SLIT3: variants seen among roughly 807,000 people sequenced by gnomAD.
SLIT3 encodes the protein slit homolog 3 protein.
SLIT3 carries 68 observed loss-of-function variants against 184.0 expected under a neutral mutation model. That is an observed-to-expected ratio of 0.37 (90% confidence interval 0.30 to 0.45). The LOEUF is 0.45. SLIT3 is among the 20% of genes least tolerant of loss of function. The pLI, the probability that SLIT3 is intolerant of heterozygous loss-of-function variation, is 1.00. For missense variants in SLIT3, 1,707 were observed against 2,026.0 expected, an observed-to-expected ratio of 0.84 and a Z score of 3.02; for synonymous variants, 831 against 828.6, an observed-to-expected ratio of 1.00 and a Z score of -0.05.
chr5:169,200,794 G>A (rs17735410), intron 3 of SLIT3, among the ~76,000 whole-genome samples: 10,486 of 152,168 alleles, frequency 0.069, 480 homozygotes, highest in Middle Eastern at 0.11. Flanking sequence ...AGCCAATTCA[G>A]GCTTTTTTTT....
intron 7 of SLIT3, among the ~76,000 whole-genome samples, chr5:168,820,616 G>A (rs1392187229): frequency 6.6e-6 from 1 of 152,172 alleles, no homozygotes; most frequent in Admixed American, 6.5e-5. Context: ...GCCTGGACAA[G>A]GCTGCAGTTT....
At chr5:168,893,380 T>C (rs1760541080) in intron 4 of SLIT3, among the ~76,000 whole-genome samples, 1 of 152,166 alleles carries the variant, frequency 6.6e-6, no homozygotes, top group Admixed American at 6.5e-5. Flanking sequence ...CTGTCCCTTT[T>C]CCTTGGCAGC....
chr5:169,052,715 T>C (rs986346397), intron 4 of SLIT3, among the ~76,000 whole-genome samples: 3 of 152,052 alleles, frequency 2.0e-5, no homozygotes, highest in Admixed American at 6.5e-5. Flanking sequence ...TATCATTCTA[T>C]TGCGGTCCTC....
At chr5:168,839,992 G>C (rs1396214178) in intron 6 of SLIT3, among the ~76,000 whole-genome samples, 1 of 152,214 alleles carries the variant, frequency 6.6e-6, no homozygotes, top group Non-Finnish European at 1.5e-5. Context: ...TCCAGTGCCT[G>C]CTCTCTGGGT....
intron 4 of SLIT3, among the ~76,000 whole-genome samples, chr5:169,106,812 G>T (rs1379270593): frequency 6.6e-6 from 1 of 152,184 alleles, no homozygotes; most frequent in Non-Finnish European, 1.5e-5. Flanking sequence ...CCATCCTTAT[G>T]TTGAACTTCA....
chr5:168,755,397 C>CTT (rs1210884314), intron 16 of SLIT3, among the ~76,000 whole-genome samples: 1 of 14,798 alleles, frequency 6.8e-5, no homozygotes, highest in Non-Finnish European at 1.1e-4. Context: ...CCATTTCTTT[C>CTT]TTTCTTTCTT....
chr5:168,673,453 C>A, intron 32 of SLIT3, 122 bp from the exon 33 acceptor site: 1 of 934,192 alleles, frequency 1.1e-6, no homozygotes, highest in Non-Finnish European at 1.6e-6. Context: ...TTGGAAATAA[C>A]TTTAAACTTA....
chr5:168,726,076 T>C (rs529349011), intron 20 of SLIT3, among the ~76,000 whole-genome samples: 6 of 152,130 alleles, frequency 3.9e-5, no homozygotes, highest in South Asian at 2.1e-4. Context: ...GTACACATTA[T>C]GGGCCAAGAG....
chr5:168,974,551 G>A (rs1021459805), intron 4 of SLIT3, among the ~76,000 whole-genome samples: 1 of 152,134 alleles, frequency 6.6e-6, no homozygotes, highest in Non-Finnish European at 1.5e-5. Context: ...TAGATCCAAA[G>A]GCCTGCATTT....
intron 4 of SLIT3, among the ~76,000 whole-genome samples, chr5:168,992,263 C>T (rs1755356036): frequency 6.6e-6 from 1 of 152,114 alleles, no homozygotes; most frequent in Non-Finnish European, 1.5e-5. Flanking sequence ...CGCTCCCAGC[C>T]AAGGAGTCTG....
intron 4 of SLIT3, among the ~76,000 whole-genome samples, chr5:168,942,159 A>T (rs1321733900): frequency 6.6e-6 from 1 of 152,192 alleles, no homozygotes. Flanking sequence ...TGGGCCAATG[A>T]GAATAAGCTC....
chr5:168,957,956 ACAT>A (rs1197908129), intron 4 of SLIT3, among the ~76,000 whole-genome samples: 1 of 151,640 alleles, frequency 6.6e-6, no homozygotes, highest in Non-Finnish European at 1.5e-5. Flanking sequence ...AAATATTAAA[ACAT>A]AGGAATCATC....
At chr5:168,818,311 G>GA (rs536852062) in intron 7 of SLIT3, among the ~76,000 whole-genome samples, 2 of 152,168 alleles carry the variant, frequency 1.3e-5, no homozygotes, top group Non-Finnish European at 2.9e-5. Context: ...GAGTAGATAA[G>GA]AATCCCTGGA....
chr5:168,911,185 T>A (rs560355973), intron 4 of SLIT3, among the ~76,000 whole-genome samples: 1 of 152,286 alleles, frequency 6.6e-6, no homozygotes, highest in African/African-American at 2.4e-5. Flanking sequence ...AAAATGATTA[T>A]TTAAAAACAC....
At chr5:168,946,702 C>A (rs970533778) in intron 4 of SLIT3, among the ~76,000 whole-genome samples, 2 of 152,196 alleles carry the variant, frequency 1.3e-5, no homozygotes, top group Non-Finnish European at 2.9e-5. Flanking sequence ...TGCGGCCTGC[C>A]TGGGGTCTTT....
At position 168,669,980 on chromosome 5, in the gene SLIT3, C is replaced by A. The variant is rs1292153284; in HGVS notation, c.4139G>T (p.Gly1380Val). ...DPCLGHRCHH[G>V]KCVATGTSYM... Reference sequence around the variant, plus strand: ...TGAGGTCCCAGTTGCCACACATTTTCCATGGTGGCATCTAGGGGCAGAGAG... The same window carrying A: ...TGAGGTCCCAGTTGCCACACATTTTACATGGTGGCATCTAGGGGCAGAGAG... The change falls in exon 35 of 36, where the codon GGA (glycine) becomes GTA (valine). Residue 1380 changes from glycine to valine, a missense_variant. Transcript: ENST00000519560. The A allele has an allele frequency of 6.2e-7, 1 of 1,614,014 alleles. No individual in the cohort carries two copies. Among genetic ancestry groups the A allele is most frequent in the Admixed American group, 1.7e-5 (1 of 60,024 alleles).
intron 27 of SLIT3, among the ~76,000 whole-genome samples, chr5:168,697,275 C>T (rs998987983): frequency 6.6e-6 from 1 of 152,170 alleles, no homozygotes; most frequent in Non-Finnish European, 1.5e-5. Context: ...CGCTGTGGGG[C>T]GGCAAGATGC....
chr5:168,715,363 T>TA (rs1223792985), intron 23 of SLIT3, among the ~76,000 whole-genome samples: 3 of 152,184 alleles, frequency 2.0e-5, no homozygotes, highest in Non-Finnish European at 2.9e-5. Context: ...CTACTGGGGG[T>TA]TACCCCTCCC....
chr5:169,067,367 T>C (rs1342392421), intron 4 of SLIT3, among the ~76,000 whole-genome samples: 1 of 151,984 alleles, frequency 6.6e-6, no homozygotes, highest in Admixed American at 6.6e-5. Context: ...GATCACACCA[T>C]TGCACTTCAG....
Sources: gnomAD v4.1 joint callset for allele counts (sites outside exome capture counted in the v4.1 genomes callset) on GRCh38, gnomAD v4.1.1 for gene constraint, MANE v1.5 for transcripts, NCBI Gene and HGNC (gene_info 2026-07-23, HGNC 2026-07-21) for gene names.